SRRM4: variants seen among roughly 807,000 people sequenced by gnomAD.
SRRM4 encodes serine/arginine repetitive matrix 4.
In SRRM4, 33 loss-of-function variants were observed where a neutral mutation model predicts 68.9. The ratio of observed to expected loss-of-function variants is 0.48; its 90% CI spans 0.36 to 0.64. SRRM4 has a LOEUF of 0.64. SRRM4 is among the 30% of genes least tolerant of loss of function. SRRM4 has a pLI of 0.00. For synonymous variants in SRRM4, 318 were observed against 318.8 expected (o/e 1.00, Z 0.03); for missense variants, 817 against 827.1 (o/e 0.99, Z 0.15).
At chr12:119,080,275 C>T (rs7315409) in intron 1 of SRRM4, among the ~76,000 whole-genome samples, 86,910 of 151,848 alleles carry the variant, frequency 0.57, 25,868 homozygotes, top group Middle Eastern at 0.76. Flanking sequence ...AGTTTCCTCT[C>T]CTTTAAAATA....
At chr12:119,145,799 G>T in intron 9 of SRRM4, 114 bp downstream of exon 9, 2 of 987,546 alleles carry the variant, frequency 2.0e-6, no homozygotes, top group Non-Finnish European at 2.8e-6. Flanking sequence ...ATTTGTAAGA[G>T]AGATGAAACT....
Position 119,159,440 on chromosome 12 carries a change from T to C in SRRM4, c.*2642T>C, listed in dbSNP as rs1249356784. 1 of 152,236 alleles carries C rather than the reference T, an allele frequency of 6.6e-6. No homozygotes were observed. Among genetic ancestry groups the C allele is most frequent in the Non-Finnish European group, 1.5e-5 (1 of 68,066 alleles). 9.4% of individuals were successfully genotyped at this position (152,236 alleles called of 1,614,324 possible). A position where few individuals can be genotyped will look rare whatever the true frequency, so the allele number is the denominator to read the frequency against. On this transcript the variant is annotated 3_prime_UTR_variant, in exon 13 of 13. Coordinates refer to ENST00000267260, the MANE Select transcript of SRRM4 (RefSeq NM_194286.4). ...GGCACCAGATTGGAGACAGATGTGC[T>C]ATCTCCTAACAGAGTGATGAGGCTT...
Position 119,130,831 on chromosome 12 carries a change from T to C in SRRM4, c.768T>C (p.Gly256=), listed in dbSNP as rs1280892603. The change falls in exon 8 of 13, where the codon GGT becomes GGC. Residue 256 remains glycine, a synonymous_variant. Transcript: ENST00000267260. ...TGCTTGGCTACCTGTCAGCCAGGGGTGTAGTAAGTATTCTTCACAGCCTCC... is the reference window on the plus strand; with the variant it reads ...TGCTTGGCTACCTGTCAGCCAGGGGCGTAGTAAGTATTCTTCACAGCCTCC... ...LQMLGYLSAR[G]VITGSGSAAD... 1 of 1,602,862 alleles carries C rather than the reference T, an allele frequency of 6.2e-7. No homozygotes were observed. The highest frequency in any genetic ancestry group is 8.5e-7 in the Non-Finnish European group (1 of 1,179,374).
intron 1 of SRRM4, among the ~76,000 whole-genome samples, chr12:119,078,137 T>C (rs1239839138): frequency 6.6e-6 from 1 of 152,194 alleles, no homozygotes; most frequent in Non-Finnish European, 1.5e-5. Flanking sequence ...TATTCACGTG[T>C]CTACTGGATA....
Position 119,145,432 on chromosome 12 carries a change from C to T in SRRM4, c.823C>T (p.Leu275Phe), listed in dbSNP as rs1954395257. ...ADLFTKTASP[L>F]TTSRGRSQEY... ...CCTCTTTACCAAAACAGCCAGCCCG[C>T]TCACCACCTCGCGAGGACGTTCCCA... Residue 275 changes from leucine (L) to phenylalanine (F), a missense_variant, in exon 9 of 13, where the codon CTC becomes TTC. Transcript: ENST00000267260. 10 of 1,607,118 alleles carry T rather than the reference C, an allele frequency of 6.2e-6. No individual in the cohort carries two copies. Among genetic ancestry groups the T allele is most frequent in the Non-Finnish European group, 6.8e-6 (8 of 1,176,820 alleles).
chr12:119,045,160 C>T (rs1464453415), intron 1 of SRRM4, among the ~76,000 whole-genome samples: 1 of 152,136 alleles, frequency 6.6e-6, no homozygotes, highest in Admixed American at 6.5e-5. Context: ...TGGACACACC[C>T]ACAGTCACAT....
intron 8 of SRRM4, chr12:119,133,212 T>C (rs149598304): frequency 7.9e-5 from 12 of 152,296 alleles, no homozygotes; most frequent in Admixed American, 3.3e-4. Context: ...ACAATGTAAG[T>C]AAAAGTTTTA....
chr12:119,156,454 G>C (rs1422805630), intron 12 of SRRM4, 41 bp from the exon 13 acceptor site: 1 of 1,534,204 alleles, frequency 6.5e-7, no homozygotes, highest in Admixed American at 2.0e-5. Flanking sequence ...GGGAGGCACG[G>C]AGGGGCCGGC....
At chr12:119,051,701 G>A (rs1219896962) in intron 1 of SRRM4, among the ~76,000 whole-genome samples, 1 of 152,156 alleles carries the variant, frequency 6.6e-6, no homozygotes, top group African/African-American at 2.4e-5. Context: ...GATAAGTCCT[G>A]CAGCAACAAA....
chr12:119,151,285 T>C, intron 10 of SRRM4, 65 bp downstream of exon 10: 3 of 1,454,754 alleles, frequency 2.1e-6, no homozygotes, highest in Non-Finnish European at 2.9e-6. Flanking sequence ...TAATTGCAGA[T>C]GTCCTTTGAC....
At position 119,145,563 on chromosome 12, in the gene SRRM4, G is replaced by C. The variant is rs779668799; in HGVS notation, c.954G>C (p.Lys318Asn). The C allele has an allele frequency of 6.2e-7, 1 of 1,604,868 alleles. No homozygotes were observed. Among genetic ancestry groups the C allele is most frequent in the Non-Finnish European group, 8.5e-7 (1 of 1,175,180 alleles). Residue 318 changes from lysine (K) to asparagine (N), a missense_variant, in exon 9 of 13, where the codon AAG (lysine) becomes AAC (asparagine). Coordinates refer to ENST00000267260, the MANE Select transcript of SRRM4 (RefSeq NM_194286.4). ...EKGSPSGGLS[K>N]SRELNSGNTS... is the part of the protein sequence containing the mutation. ...GGAGCCCCAGTGGGGGCTTGAGCAA[G>C]AGCCGGGAGCTCAACAGTGGCAACA...
chr12:118,983,913 C>T (rs1953265579), intron 1 of SRRM4, among the ~76,000 whole-genome samples: 1 of 152,172 alleles, frequency 6.6e-6, no homozygotes, highest in Non-Finnish European at 1.5e-5. Flanking sequence ...CCCTCTGCAA[C>T]CAGTATCATT....
chr12:119,114,290 C>A lies in SRRM4; in HGVS notation c.291C>A (p.Asp97Glu), dbSNP rs1565911158. The A allele has an allele frequency of 6.2e-7, 1 of 1,612,352 alleles. No individual in the cohort carries two copies. The highest frequency in any genetic ancestry group is 1.3e-5 in the African/African-American group (1 of 74,998). The change falls in exon 3 of 13, where the codon GAC becomes GAA. Residue 97 changes from aspartate (D) to glutamate (E), a missense_variant. Coordinates refer to ENST00000267260, the MANE Select transcript of SRRM4 (RefSeq NM_194286.4). ...TTGCTCCTCACAGTGCCTCTCATGA[C>A]AAAGACTTGACACCACCACCTTCCT... Reference protein sequence around the residue: ...GATRGHSASHDKDLTPPPSSR... With the variant: ...GATRGHSASHEKDLTPPPSSR...
chr12:119,034,547 A>G (rs190240285), intron 1 of SRRM4, among the ~76,000 whole-genome samples: 36 of 152,330 alleles, frequency 2.4e-4, no homozygotes, highest in Non-Finnish European at 4.1e-4. Context: ...AATTTTACCT[A>G]CTTGGTTTAC....
At chr12:118,997,570 T>C (rs1291149083) in intron 1 of SRRM4, among the ~76,000 whole-genome samples, 1 of 152,186 alleles carries the variant, frequency 6.6e-6, no homozygotes, top group Non-Finnish European at 1.5e-5. Flanking sequence ...TAAATCCTTT[T>C]CCCTAAGGGC....
intron 1 of SRRM4, among the ~76,000 whole-genome samples, chr12:119,014,204 C>A (rs182420055): frequency 2.0e-5 from 3 of 151,794 alleles, no homozygotes; most frequent in East Asian, 1.9e-4. Context: ...TTTGATTATT[C>A]TTTTTTTTAA....
intron 1 of SRRM4, among the ~76,000 whole-genome samples, chr12:119,002,645 G>GT (rs1953392058): frequency 6.6e-6 from 1 of 152,126 alleles, no homozygotes. Flanking sequence ...TCTCCAGAAA[G>GT]TTTTTCCTGT....
chr12:119,122,260 C>T (rs1447019362), intron 6 of SRRM4, 140 bp downstream of exon 6: 1 of 205,428 alleles, frequency 4.9e-6, no homozygotes, highest in Admixed American at 9.9e-5. Flanking sequence ...GGCAGGAAGG[C>T]AGGAAGGCAG....
intron 1 of SRRM4, among the ~76,000 whole-genome samples, chr12:119,067,327 T>A (rs1331637021): frequency 6.6e-6 from 1 of 152,212 alleles, no homozygotes; most frequent in African/African-American, 2.4e-5. Context: ...GCCCATTGCT[T>A]CTTATCATAT....
Sources: allele counts gnomAD v4.1 joint callset (sites outside exome capture counted in the v4.1 genomes callset), GRCh38; gene constraint gnomAD v4.1.1; transcripts MANE v1.5; gene names NCBI Gene and HGNC (gene_info 2026-07-23, HGNC 2026-07-21).